Variants in CRYZL1 observed in about 807,000 individuals in gnomAD.
CRYZL1 encodes the protein crystallin zeta like 1, also known as ferry endosomal RAB5 effector complex subunit 4.
A neutral mutation model predicts 50.6 loss-of-function variants in CRYZL1; 34 were observed. The observed-to-expected ratio is 0.67, with a 90% CI of 0.51 to 0.89. The LOEUF (loss-of-function observed/expected upper bound fraction) is 0.89. Ranked by LOEUF, CRYZL1 falls within the 40% of genes least tolerant of loss-of-function variation. The pLI is 0.00. For missense variants in CRYZL1, 354 were observed against 402.3 expected, an observed-to-expected ratio of 0.88 and a Z score of 1.03; for synonymous variants, 125 against 134.3, an observed-to-expected ratio of 0.93 and a Z score of 0.48.
chr21:33,629,041 G>A (rs1286190804), intron 2 of CRYZL1, among the ~76,000 whole-genome samples: 5 of 145,828 alleles, frequency 3.4e-5, no homozygotes, highest in African/African-American at 1.3e-4. Context: ...ACCAGCCTGG[G>A]CAACATGGCA....
At chr21:33,615,984 G>A (rs1292331893) in intron 5 of CRYZL1, among the ~76,000 whole-genome samples, 1 of 152,102 alleles carries the variant, frequency 6.6e-6, no homozygotes, top group African/African-American at 2.4e-5. Context: ...ACATTGTGCA[G>A]GTTAGTTACA....
intron 4 of CRYZL1, among the ~76,000 whole-genome samples, chr21:33,620,851 T>G (rs956607036): frequency 1.4e-5 from 2 of 145,612 alleles, no homozygotes; most frequent in African/African-American, 5.0e-5. Context: ...CCAAAGAAGC[T>G]AGACAAAGCC....
chr21:33,589,716 G>A lies in CRYZL1; in HGVS notation c.*106C>T, dbSNP rs1240775576. The A allele has an allele frequency of 1.5e-5, 11 of 722,782 alleles. No individual in the cohort carries two copies. The East Asian group carries it at 3.0e-4, about 20-fold the overall frequency. The allele number at this position is 722,782 out of a possible 1,614,324, so 44.8% of individuals were successfully genotyped here. Reference sequence around the variant, plus strand: ...TTAGCAGAGAAACGTGCTTAAAAATGCAACTTGTTTTATCTTCCTTGGTTT... The same window carrying A: ...TTAGCAGAGAAACGTGCTTAAAAATACAACTTGTTTTATCTTCCTTGGTTT... On this transcript the variant is annotated 3_prime_UTR_variant, in exon 13 of 13. Coordinates refer to ENST00000381554, the MANE Select transcript of CRYZL1 (RefSeq NM_145858.3).
chr21:33,639,942 C>T (rs906778020), intron 1 of CRYZL1: 47 of 359,294 alleles, frequency 1.3e-4, no homozygotes, highest in African/African-American at 9.9e-4. Flanking sequence ...TCTCCTGCCT[C>T]AGCCTCCTGA....
At chr21:33,589,953 C>G (rs1301716136) in intron 12 of CRYZL1, 32 bp from the exon 13 acceptor site, 1 of 1,318,558 alleles carries the variant, frequency 7.6e-7, no homozygotes, top group South Asian at 1.3e-5. Flanking sequence ...AATGTCAGGT[C>G]TAGTTAAAGA....
At chr21:33,590,151 G>C (rs2086629122) in intron 12 of CRYZL1, among the ~76,000 whole-genome samples, 1 of 152,088 alleles carries the variant, frequency 6.6e-6, no homozygotes, top group Non-Finnish European at 1.5e-5. Context: ...CTGAGTAGCT[G>C]GGATTACAGG....
intron 12 of CRYZL1, 78 bp from the exon 13 acceptor site, chr21:33,589,999 T>C: frequency 1.3e-6 from 1 of 784,388 alleles, no homozygotes; most frequent in East Asian, 2.6e-5. Flanking sequence ...TGACAAATGC[T>C]AGTGCTCAAA....
chr21:33,634,475 A>AGTGACACTCACTCCATTTGTTCCAT (rs2087178952), intron 1 of CRYZL1, among the ~76,000 whole-genome samples: 1 of 152,162 alleles, frequency 6.6e-6, no homozygotes, highest in Non-Finnish European at 1.5e-5. Context: ...AATCATCCCC[A>AGTGACACTCACTCCATTTGTTCCAT]GTGACACTCA....
intron 6 of CRYZL1, among the ~76,000 whole-genome samples, chr21:33,610,003 C>CT (rs35773163): frequency 0.023 from 3,178 of 136,086 alleles, 29 homozygotes; most frequent in Admixed American, 0.03. Flanking sequence ...CATGCCTAGC[C>CT]TTTTTTTTTT....
chr21:33,639,854 T>A, intron 1 of CRYZL1: 1 of 187,192 alleles, frequency 5.3e-6, no homozygotes, highest in Non-Finnish European at 1.1e-5. Flanking sequence ...AGACAGGGTC[T>A]CACTCTGTTG....
At chr21:33,608,624 A>G (rs373641719) in intron 6 of CRYZL1, among the ~76,000 whole-genome samples, 2 of 152,290 alleles carry the variant, frequency 1.3e-5, no homozygotes, top group East Asian at 3.9e-4. Flanking sequence ...AACATGCTGT[A>G]TCTGCCTTTC....
intron 1 of CRYZL1, among the ~76,000 whole-genome samples, chr21:33,640,758 T>C (rs946923166): frequency 1.3e-5 from 2 of 152,236 alleles, no homozygotes; most frequent in Non-Finnish European, 2.9e-5. Context: ...CAGGTGGCTA[T>C]TGAGCACTCC....
At chr21:33,632,502 CT>C (rs530951759) in intron 1 of CRYZL1, among the ~76,000 whole-genome samples, 210 of 151,748 alleles carry the variant, frequency 1.4e-3, no homozygotes, top group African/African-American at 4.9e-3. Flanking sequence ...CTCAGCCCCC[CT>C]AGTAGCTGGG....
chr21:33,601,625 A>G (rs557610627), intron 8 of CRYZL1, among the ~76,000 whole-genome samples: 2 of 152,240 alleles, frequency 1.3e-5, no homozygotes. Flanking sequence ...CTATCACTTA[A>G]GTAAACTGGG....
intron 1 of CRYZL1, chr21:33,640,257 G>A (rs900246850): frequency 1.1e-5 from 17 of 1,535,814 alleles, no homozygotes; most frequent in Middle Eastern, 3.3e-4. Flanking sequence ...ATCTTGTATG[G>A]CGAACTACCT....
chr21:33,591,537 A>C, intron 11 of CRYZL1: 1 of 344,078 alleles, frequency 2.9e-6, no homozygotes, highest in South Asian at 5.3e-5. Context: ...TCTACACTAC[A>C]TATGGCATTT....
intron 1 of CRYZL1, chr21:33,639,973 G>T (rs879453862): frequency 6.9e-5 from 32 of 465,686 alleles, no homozygotes; most frequent in Non-Finnish European, 1.0e-4. Flanking sequence ...TTACAGGCGT[G>T]CACCACCATG....
chr21:33,610,920 C>CA (rs1555905036), intron 6 of CRYZL1, among the ~76,000 whole-genome samples: 3 of 151,628 alleles, frequency 2.0e-5, no homozygotes, highest in Non-Finnish European at 4.4e-5. Context: ...TTAGTAGAGA[C>CA]GGGTTTCACC....
Position 33,610,681 on chromosome 21 carries a change from T to C in CRYZL1, c.331+2857A>G, listed in dbSNP as rs987788177. On this transcript the variant is annotated intron_variant, in intron 6 of 12. Coordinates refer to ENST00000381554, the MANE Select transcript of CRYZL1 (RefSeq NM_145858.3). ...TTTCTCCTTCTGGTCCATGTCATAATTCTCCAGTGTTCATCAGTGCCTAAA... is the reference window on the plus strand; with the variant it reads ...TTTCTCCTTCTGGTCCATGTCATAACTCTCCAGTGTTCATCAGTGCCTAAA... Among the ~76,000 whole-genome samples, 10 of 151,910 alleles carry C rather than the reference T, an allele frequency of 6.6e-5. 1 individual carries two copies. Among genetic ancestry groups the C allele is most frequent in the African/African-American group, 2.2e-4 (9 of 41,360 alleles).
Sources: allele counts gnomAD v4.1 joint callset (sites outside exome capture counted in the v4.1 genomes callset), GRCh38; gene constraint gnomAD v4.1.1; transcripts MANE v1.5; gene names NCBI Gene and HGNC (gene_info 2026-07-23, HGNC 2026-07-21).